IL20RB: variants seen among roughly 807,000 people sequenced by gnomAD.
The protein encoded by IL20RB is interleukin 20 receptor subunit beta.
A neutral mutation model predicts 33.3 loss-of-function variants in IL20RB; 21 were observed. That is an observed-to-expected ratio of 0.63 (90% CI 0.45 to 0.91). The LOEUF (loss-of-function observed/expected upper bound fraction) is 0.91. Among genes scored for constraint, IL20RB ranks in the 40% least tolerant of loss-of-function variants. IL20RB has a pLI of 0.00. For synonymous variants in IL20RB, 147 were observed against 146.8 expected (o/e 1.00, Z -0.01); for missense variants, 345 against 384.8 (o/e 0.90, Z 0.86).
chr3:136,963,694 T>C (rs200601160), intron 1 of IL20RB, among the ~76,000 whole-genome samples: 1 of 114,614 alleles, frequency 8.7e-6, no homozygotes, highest in African/African-American at 3.3e-5. Context: ...TTTTTTTTTA[T>C]TTTTTTTTTT....
chr3:136,998,317 T>C (rs1942176009), intron 6 of IL20RB, among the ~76,000 whole-genome samples: 1 of 151,788 alleles, frequency 6.6e-6, no homozygotes, highest in Non-Finnish European at 1.5e-5. Context: ...TAATATTATA[T>C]CATTTCACAT....
chr3:136,998,178 GTTAA>G (rs1186592358), intron 6 of IL20RB, among the ~76,000 whole-genome samples: 6 of 123,460 alleles, frequency 4.9e-5, no homozygotes, highest in African/African-American at 6.1e-5. Context: ...CTCTTTTTGG[GTTAA>G]TTAAAAATTT....
chr3:136,976,727 T>G (rs1941627824), intron 1 of IL20RB, among the ~76,000 whole-genome samples: 1 of 152,224 alleles, frequency 6.6e-6, no homozygotes, highest in Admixed American at 6.5e-5. Context: ...TCAGTCTTGG[T>G]GCTGCTGGCC....
intron 6 of IL20RB, among the ~76,000 whole-genome samples, chr3:137,001,683 C>T (rs375207193): frequency 5.3e-5 from 8 of 152,230 alleles, no homozygotes; most frequent in East Asian, 3.9e-4. Flanking sequence ...TTCATGTCTA[C>T]GTCTAAAATT....
At chr3:137,008,001 CTG>C (rs1362599431) in intron 6 of IL20RB, among the ~76,000 whole-genome samples, 1 of 152,220 alleles carries the variant, frequency 6.6e-6, no homozygotes, top group African/African-American at 2.4e-5. Flanking sequence ...TATATAGTCT[CTG>C]TTTAAAAATA....
At chr3:137,004,373 C>G (rs535527607) in intron 6 of IL20RB, among the ~76,000 whole-genome samples, 1 of 152,126 alleles carries the variant, frequency 6.6e-6, no homozygotes, top group Non-Finnish European at 1.5e-5. Context: ...TGGTAGAATT[C>G]GGCTGTGAAT....
chr3:137,008,221 T>A (rs907832052), intron 6 of IL20RB, among the ~76,000 whole-genome samples: 1 of 152,026 alleles, frequency 6.6e-6, no homozygotes, highest in Non-Finnish European at 1.5e-5. Context: ...GCATGCTTCA[T>A]AGAAAGTGGA....
intron 6 of IL20RB, among the ~76,000 whole-genome samples, chr3:137,006,285 G>A (rs1184833607): frequency 1.3e-5 from 2 of 152,142 alleles, no homozygotes; most frequent in Non-Finnish European, 2.9e-5. Flanking sequence ...GGTGTTCTCT[G>A]TATTTCCTGA....
intron 3 of IL20RB, among the ~76,000 whole-genome samples, chr3:136,983,799 C>T (rs1444765889): frequency 6.6e-6 from 1 of 152,174 alleles, no homozygotes; most frequent in African/African-American, 2.4e-5. Context: ...GCTTAGAAAG[C>T]TCAAAGGCAG....
intron 1 of IL20RB, among the ~76,000 whole-genome samples, chr3:136,978,640 G>C (rs933869865): frequency 6.6e-6 from 1 of 152,144 alleles, no homozygotes; most frequent in Non-Finnish European, 1.5e-5. Flanking sequence ...CTTGGTTATG[G>C]TATATAGTTC....
At chr3:136,999,155 G>A (rs1316277602) in intron 6 of IL20RB, among the ~76,000 whole-genome samples, 1 of 151,958 alleles carries the variant, frequency 6.6e-6, no homozygotes, top group East Asian at 1.9e-4. Flanking sequence ...GGAGTGCAGT[G>A]GCATGATTAT....
In IL20RB at chr3:136,995,522, C is replaced by A. The variant is rs754452937; in HGVS notation, c.791C>A (p.Ser264Tyr). 6.2e-7 allele frequency: 1 copy of A among 1,614,120 alleles called. No homozygotes were observed. Among genetic ancestry groups the A allele is most frequent in the South Asian group, 1.1e-5 (1 of 91,078 alleles). Residue 264 changes from serine (S) to tyrosine (Y), a missense_variant, in exon 6 of 7, where the codon TCC becomes TAC. Ser to Tyr is a moderately radical substitution (Grantham distance 144). Transcript: ENST00000329582. ...AAAATGGGCCGGCTGCTCCAGTACT[C>A]CTGTTGCCCCGTGGTGGTCCTCCCA... ...VWKMGRLLQY[S>Y]CCPVVVLPDT... is the part of the protein sequence containing the mutation.
intron 2 of IL20RB, 78 bp from the exon 3 acceptor site, chr3:136,982,082 G>T: frequency 9.3e-7 from 1 of 1,079,896 alleles, no homozygotes; most frequent in African/African-American, 1.6e-5. Context: ...GTAGGTGAAC[G>T]AAGTCAGTTA....
intron 1 of IL20RB, among the ~76,000 whole-genome samples, chr3:136,972,558 A>T (rs141947703): frequency 6.6e-6 from 1 of 151,966 alleles, no homozygotes; most frequent in Admixed American, 6.5e-5. Context: ...GGAATGATCC[A>T]TTTCTTCTAG....
intron 1 of IL20RB, among the ~76,000 whole-genome samples, chr3:136,972,329 T>G (rs1941506417): frequency 6.6e-6 from 1 of 152,208 alleles, no homozygotes; most frequent in African/African-American, 2.4e-5. Flanking sequence ...AGCTTTTTAG[T>G]TTAATGCAGT....
rs72978743 is a variant in IL20RB at position 136,960,647 on chromosome 3, C to G, written c.88+2446C>G. ...GAATCCTGCAAGTTAGGTGTTATCC[C>G]CATTCCACACATTAGGGATAGAGAC... On this transcript the variant is annotated intron_variant, in intron 1 of 6. Transcript: ENST00000329582. 4.1e-3 allele frequency among the ~76,000 whole-genome samples: 617 copies of G among 152,214 alleles called. 6 individuals carry two copies. The highest frequency in any genetic ancestry group is 0.014 in the African/African-American group (590 of 41,522).
intron 6 of IL20RB, among the ~76,000 whole-genome samples, chr3:137,004,862 G>A (rs1400000096): frequency 2.0e-5 from 3 of 152,070 alleles, no homozygotes; most frequent in African/African-American, 7.2e-5. Flanking sequence ...TGATGTTAGG[G>A]TGTCAATTTT....
rs945511373 is a variant in IL20RB at position 136,976,332 on chromosome 3, T to C, written c.89-4134T>C. Among the ~76,000 whole-genome samples, 6 of 151,980 alleles carry C rather than the reference T, an allele frequency of 3.9e-5. No homozygotes were observed. The South Asian group carries it at 6.2e-4, about 16-fold the overall frequency. ...TCAGGTCTCAGGTGGAATGCATGGGTGAGGAGTGGTAGTAGCCATGCTGAG... is the reference window on the plus strand; with the variant it reads ...TCAGGTCTCAGGTGGAATGCATGGGCGAGGAGTGGTAGTAGCCATGCTGAG... On this transcript the variant is annotated intron_variant, in intron 1 of 6. Transcript: ENST00000329582.
intron 1 of IL20RB, among the ~76,000 whole-genome samples, chr3:136,958,899 G>T (rs2108166547): frequency 6.7e-6 from 1 of 148,640 alleles, no homozygotes; most frequent in Middle Eastern, 3.4e-3. Context: ...GTTGATGGGA[G>T]CCTTGAGTAC....
Sources: allele counts gnomAD v4.1 joint callset (sites outside exome capture counted in the v4.1 genomes callset), GRCh38; gene constraint gnomAD v4.1.1; transcripts MANE v1.5; gene names NCBI Gene and HGNC (gene_info 2026-07-23, HGNC 2026-07-21).